Variants in EIF2D observed in about 807,000 individuals in gnomAD.
EIF2D encodes the protein hepatocellular carcinoma-associated antigen 56.
A neutral mutation model predicts 77.4 loss-of-function variants in EIF2D; 56 were observed. The observed-to-expected ratio is 0.72, with a 90% CI of 0.58 to 0.90. EIF2D has a LOEUF of 0.90. EIF2D is among the 40% of genes least tolerant of loss of function. EIF2D has a pLI of 0.00. For synonymous variants in EIF2D, 230 were observed against 271.0 expected, an observed-to-expected ratio of 0.85 and a Z score of 1.49; for missense variants, 574 against 706.5, an observed-to-expected ratio of 0.81 and a Z score of 2.13.
intron 4 of EIF2D, among the ~76,000 whole-genome samples, chr1:206,574,535 C>T (rs540235136): frequency 6.6e-6 from 1 of 152,338 alleles, no homozygotes; most frequent in Non-Finnish European, 1.5e-5. Flanking sequence ...TTTTTTCCCT[C>T]TGCTCTGTTA....
rs547504915 is a variant in EIF2D at position 206,597,671 on chromosome 1, G to A, written c.1293-476C>T. ...ATCTCTACTAAAAATAGGGCCGGGC[G>A]CAGTGGCCCACGCCTGTAATCCCAG... On this transcript the variant is annotated intron_variant, in intron 11 of 14. Coordinates refer to ENST00000271764, the MANE Select transcript of EIF2D (RefSeq NM_006893.3). Among the ~76,000 whole-genome samples the A allele has an allele frequency of 2.6e-5, 4 of 152,276 alleles. No individual in the cohort carries two copies. The East Asian group carries it at 5.8e-4, about 22-fold the overall frequency.
chr1:206,605,121 A>G (rs1670134205), intron 5 of EIF2D: 1 of 257,706 alleles, frequency 3.9e-6, no homozygotes, highest in South Asian at 8.1e-5. Context: ...CTATAAAAAA[A>G]CGAGTATCAC....
chr1:206,608,179 C>A, intron 4 of EIF2D, 57 bp downstream of exon 4: 1 of 1,526,454 alleles, frequency 6.6e-7, no homozygotes, highest in Non-Finnish European at 9.0e-7. Flanking sequence ...TCATTCCCCT[C>A]CAACTTCTCT....
intron 14 of EIF2D, 26 bp downstream of exon 14, chr1:206,593,593 C>T: frequency 1.9e-6 from 3 of 1,572,658 alleles, no homozygotes; most frequent in Non-Finnish European, 2.6e-6. Flanking sequence ...AGACCAATGC[C>T]TCCACTCTTC....
intron 7 of EIF2D, 75 bp from the exon 8 acceptor site, chr1:206,600,383 C>A (rs1333015689): frequency 2.8e-6 from 4 of 1,404,920 alleles, no homozygotes; most frequent in Non-Finnish European, 4.0e-6. Flanking sequence ...GAGAGGAGGG[C>A]CTTTTTCCTC....
chr1:206,599,717 G>A lies in EIF2D; in HGVS notation c.1052+16C>T, dbSNP rs782161664. ...TGGGGCCAGCTGGGCTACAGTGACAGGCCCCCTGCACTCACCTCGGGTGTT... is the reference window on the plus strand; with the variant it reads ...TGGGGCCAGCTGGGCTACAGTGACAAGCCCCCTGCACTCACCTCGGGTGTT... On this transcript the variant is annotated intron_variant, in intron 9 of 14. Transcript: ENST00000271764. The surrounding 1 kb of genome is among the most constrained non-coding windows in gnomAD (Gnocchi z 4.1). 6.2e-7 allele frequency: 1 copy of A among 1,614,068 alleles called. No individual in the cohort carries two copies. Among genetic ancestry groups the A allele is most frequent in the Admixed American group, 1.7e-5 (1 of 60,034 alleles).
Position 206,585,034 on chromosome 1 carries a change from T to C in EIF2D, c.139-3872A>G, listed in dbSNP as rs1553407309. 1.0e-5 allele frequency: 7 copies of C among 678,444 alleles called. No homozygotes were observed. The Admixed American group carries it at 1.2e-4, about 11-fold the overall frequency. The allele number at this position is 678,444 out of a possible 1,614,324, so 42.0% of individuals were successfully genotyped here. On this transcript the variant is annotated intron_variant and NMD_transcript_variant, in intron 2 of 5. Coordinates refer to the EIF2D transcript ENST00000472709. Reference sequence around the variant, plus strand: ...AGATAAAAGGTTATTGCCCTGTTCATTACTGTCATGTTCATTTCATTAAAA... The same window carrying C: ...AGATAAAAGGTTATTGCCCTGTTCACTACTGTCATGTTCATTTCATTAAAA...
At chr1:206,595,582 TA>T in intron 13 of EIF2D, 135 bp downstream of exon 13, 1 of 1,117,054 alleles carries the variant, frequency 9.0e-7, no homozygotes, top group Non-Finnish European at 1.3e-6. Flanking sequence ...CCCAGGCACA[TA>T]AACACGGGTG....
In EIF2D at chr1:206,599,136, A is replaced by G; in HGVS notation, c.1203-44T>C. ...CCCAGGGGTTAGTTCATGCTGTGCC[A>G]TGAGACAAAAATGCAGATGCCCAGA... On this transcript the variant is annotated intron_variant, in intron 10 of 14. Transcript: ENST00000271764. The surrounding 1 kb of genome is among the most constrained non-coding windows in gnomAD (Gnocchi z 4.1). The G allele has an allele frequency of 6.3e-7, 1 of 1,590,270 alleles. No individual in the cohort carries two copies. The highest frequency in any genetic ancestry group is 1.1e-5 in the South Asian group (1 of 90,176).
chr1:206,602,914 G>T (rs1369506355), intron 6 of EIF2D, 37 bp downstream of exon 6: 2 of 1,605,956 alleles, frequency 1.2e-6, no homozygotes, highest in Non-Finnish European at 1.7e-6. Context: ...TAAATTGAGA[G>T]GTGGGGAGAT....
chr1:206,582,222 C>G (rs1240643258), intron 2 of EIF2D, among the ~76,000 whole-genome samples: 1 of 152,186 alleles, frequency 6.6e-6, no homozygotes, highest in African/African-American at 2.4e-5. Flanking sequence ...CCAGAATTCA[C>G]CCCTGTATTG....
At position 206,591,846 on chromosome 1, in the gene EIF2D, C is replaced by T; in HGVS notation, c.1685-1G>A. The stretch of plus-strand genomic sequence containing the variant: ...TGTTTTCGAGGGAGCTGATACTCTT[C>T]TACAATCCAAAAAGCACACACTCCT... On this transcript the variant is annotated splice_acceptor_variant, in intron 14 of 14. Transcript: ENST00000271764. LOFTEE classifies it high-confidence loss of function. The T allele has an allele frequency of 6.2e-7, 1 of 1,614,154 alleles. No homozygotes were observed. The highest frequency in any genetic ancestry group is 8.5e-7 in the Non-Finnish European group (1 of 1,180,028).
chr1:206,586,454 C>T (rs1553407667), intron 2 of EIF2D: 6 of 196,356 alleles, frequency 3.1e-5, no homozygotes, highest in Non-Finnish European at 1.0e-5. Context: ...CAACCCCGGT[C>T]TCCTGAGTCC....
At chr1:206,600,342 T>A in intron 7 of EIF2D, 34 bp from the exon 8 acceptor site, 1 of 1,603,692 alleles carries the variant, frequency 6.2e-7, no homozygotes, top group Non-Finnish European at 8.5e-7. Context: ...ATTAAACTAA[T>A]GAGCAGTCAT....
chr1:206,584,277 A>G lies in EIF2D; in HGVS notation c.139-3115T>C, dbSNP rs554458038. On this transcript the variant is annotated intron_variant and NMD_transcript_variant, in intron 2 of 5. Coordinates refer to the EIF2D transcript ENST00000472709. This position sits in a 1 kb window ranked among gnomAD's most constrained non-coding sequence, Gnocchi z 4.9. ...GCTCTCCCACGTCAGCAGAGGCAGG[A>G]AAGAACTCAAGGAGACAGGTGGGTG... is the stretch of plus-strand genomic sequence containing the variant. 28 of 1,075,200 alleles carry G rather than the reference A, an allele frequency of 2.6e-5. No homozygotes were observed. The African/African-American group carries it at 4.1e-4, about 16-fold the overall frequency. 66.6% of individuals were successfully genotyped at this position (1,075,200 alleles called of 1,614,324 possible). A position where few individuals can be genotyped will look rare whatever the true frequency, so the allele number is the denominator to read the frequency against.
At chr1:206,581,472 A>G (rs1553406317) in intron 2 of EIF2D, among the ~76,000 whole-genome samples, 1 of 151,966 alleles carries the variant, frequency 6.6e-6, no homozygotes, top group East Asian at 1.9e-4. Context: ...GGTGGTGCGC[A>G]CCTGTAATCC....
intron 11 of EIF2D, among the ~76,000 whole-genome samples, chr1:206,598,156 A>G (rs1669740879): frequency 6.6e-6 from 1 of 151,390 alleles, no homozygotes; most frequent in African/African-American, 2.4e-5. Flanking sequence ...TCCCACCTCA[A>G]CCTCCCAAGT....
intron 12 of EIF2D, among the ~76,000 whole-genome samples, chr1:206,596,088 G>A (rs1553409984): frequency 7.9e-5 from 12 of 152,170 alleles, no homozygotes; most frequent in Non-Finnish European, 2.9e-5. Flanking sequence ...TTCAAAGATG[G>A]GAACATCAGT....
chr1:206,605,191 A>G (rs1670143389), intron 5 of EIF2D: 2 of 448,480 alleles, frequency 4.5e-6, no homozygotes, highest in Non-Finnish European at 8.0e-6. Context: ...AGATTCTATA[A>G]TTCACTTAGA....
Sources: gnomAD v4.1 joint callset for allele counts (sites outside exome capture counted in the v4.1 genomes callset) on GRCh38, gnomAD v4.1.1 for gene constraint, Gnocchi (gnomAD v3.1) non-coding constraint, MANE v1.5 for transcripts, NCBI Gene and HGNC (gene_info 2026-07-23, HGNC 2026-07-21) for gene names.